The following RBFOX1 variants were observed in gnomAD, a reference collection of about 807,000 sequenced individuals.
RBFOX1 encodes the protein RNA binding protein fox-1 homolog 1.
RBFOX1 carries 8 observed loss-of-function variants against 57.7 expected under a neutral mutation model. The ratio of observed to expected loss-of-function variants is 0.14; its 90% confidence interval spans 0.08 to 0.25. The LOEUF is 0.25. Ranked by LOEUF, RBFOX1 falls within the 10% of genes least tolerant of loss-of-function variation. The pLI is 1.00. For synonymous variants in RBFOX1, 326 were observed against 222.4 expected (o/e 1.47, Z -4.15); for missense variants, 611 against 548.5 (o/e 1.11, Z -1.14).
chr16:5,463,749 A>T (rs1393580264), intron 1 of RBFOX1, among the ~76,000 whole-genome samples: 2 of 151,778 alleles, frequency 1.3e-5, no homozygotes, highest in Non-Finnish European at 2.9e-5. Context: ...GCAGTAAGTC[A>T]AGATTGCACC....
chr16:7,492,877 A>G (rs771401318), intron 4 of RBFOX1, among the ~76,000 whole-genome samples: 5 of 151,960 alleles, frequency 3.3e-5, no homozygotes, highest in Admixed American at 6.6e-5. Context: ...TGATGCTGGC[A>G]CCAACCATGA....
chr16:6,518,929 G>C (rs2096446009), intron 2 of RBFOX1, among the ~76,000 whole-genome samples: 1 of 152,002 alleles, frequency 6.6e-6, no homozygotes, highest in South Asian at 2.1e-4. Flanking sequence ...TCAGAGTTCA[G>C]CCACACACTT....
chr16:5,536,333 C>T (rs773056060), intron 2 of RBFOX1, among the ~76,000 whole-genome samples: 1 of 147,076 alleles, frequency 6.8e-6, no homozygotes, highest in African/African-American at 2.5e-5. Flanking sequence ...CTGCTGGGTT[C>T]AAGCGATTCT....
intron 3 of RBFOX1, among the ~76,000 whole-genome samples, chr16:6,718,423 A>G (rs1044883896): frequency 1.3e-5 from 2 of 152,232 alleles, no homozygotes; most frequent in African/African-American, 4.8e-5. Flanking sequence ...GGTGTAAGGA[A>G]GTCCACAAGG....
At chr16:6,523,463 C>T (rs777361227) in intron 2 of RBFOX1, among the ~76,000 whole-genome samples, 11 of 152,144 alleles carry the variant, frequency 7.2e-5, no homozygotes, top group Non-Finnish European at 1.5e-4. Flanking sequence ...CAGTGAAGAA[C>T]TCTGAAGGCA....
intron 3 of RBFOX1, among the ~76,000 whole-genome samples, chr16:5,656,806 G>C (rs1038953849): frequency 4.6e-5 from 7 of 152,070 alleles, no homozygotes; most frequent in Non-Finnish European, 1.0e-4. Flanking sequence ...TCATTGATGG[G>C]CGTTTGGGTT....
chr16:6,297,677 T>C (rs778874884), intron 1 of RBFOX1, among the ~76,000 whole-genome samples: 5 of 151,958 alleles, frequency 3.3e-5, no homozygotes, highest in African/African-American at 1.2e-4. Context: ...CACACCCCCC[T>C]ATCCTATACC....
chr16:7,159,002 TC>T (rs1007497606), intron 4 of RBFOX1, among the ~76,000 whole-genome samples: 10 of 151,356 alleles, frequency 6.6e-5, no homozygotes, highest in Non-Finnish European at 1.5e-4. Context: ...TCCCTCAGAT[TC>T]CCCCCATTTC....
chr16:5,772,839 G>A (rs1304653362), intron 3 of RBFOX1, among the ~76,000 whole-genome samples: 1 of 152,154 alleles, frequency 6.6e-6, no homozygotes, highest in East Asian at 1.9e-4. Context: ...GCAGGGCAAA[G>A]GGCTGTCAGT....
chr16:5,390,847 C>A (rs535146610), intron 1 of RBFOX1, among the ~76,000 whole-genome samples: 10 of 152,284 alleles, frequency 6.6e-5, no homozygotes, highest in African/African-American at 1.4e-4. Flanking sequence ...GAAGCTGTGG[C>A]AGCCATCTTG....
intron 3 of RBFOX1, among the ~76,000 whole-genome samples, chr16:6,923,895 T>C (rs9888762): frequency 6.6e-6 from 1 of 151,966 alleles, no homozygotes; most frequent in Non-Finnish European, 1.5e-5. Flanking sequence ...TGAAGGTCAG[T>C]TGTGGTGGCT....
chr16:6,138,389 C>T (rs917708764), intron 1 of RBFOX1, among the ~76,000 whole-genome samples: 5 of 152,194 alleles, frequency 3.3e-5, no homozygotes, highest in South Asian at 2.1e-4. Flanking sequence ...CTGAAGTCAA[C>T]GTGTCAGCCT....
At chr16:5,451,381 C>G (rs762903058) in intron 1 of RBFOX1, among the ~76,000 whole-genome samples, 1 of 152,144 alleles carries the variant, frequency 6.6e-6, no homozygotes, top group Non-Finnish European at 1.5e-5. Flanking sequence ...AACATCGATT[C>G]TCAGAACCTA....
rs541835195 is a variant in RBFOX1 at position 5,739,996 on chromosome 16, G to A, written c.319-127307G>A. ...GGAGCCCTGGGGAGGGATCAGTGTG[G>A]CCAGCAGTGGGAGGGGTCCATGCTG... On this transcript the variant is annotated intron_variant, in intron 3 of 19. Coordinates refer to the RBFOX1 transcript ENST00000641259. Among the ~76,000 whole-genome samples the A allele has an allele frequency of 1.4e-3, 207 of 152,350 alleles. 1 individual carries two copies. The highest frequency in any genetic ancestry group is 4.8e-3 in the African/African-American group (201 of 41,584).
At chr16:5,581,287 A>G (rs996514445) in intron 2 of RBFOX1, among the ~76,000 whole-genome samples, 1 of 152,172 alleles carries the variant, frequency 6.6e-6, no homozygotes, top group Admixed American at 6.5e-5. Flanking sequence ...CAAGGAATAG[A>G]CTTTGGGCGG....
At chr16:7,252,232 AT>A (rs1452877531) in intron 4 of RBFOX1, among the ~76,000 whole-genome samples, 1 of 152,180 alleles carries the variant, frequency 6.6e-6, no homozygotes, top group East Asian at 1.9e-4. Flanking sequence ...TTTCCCCCAT[AT>A]CTCCATTCAT....
intron 2 of RBFOX1, among the ~76,000 whole-genome samples, chr16:6,342,632 A>G (rs1048028314): frequency 6.6e-5 from 10 of 152,174 alleles, no homozygotes; most frequent in African/African-American, 2.2e-4. Context: ...TTAGGTATAC[A>G]TATCTGAGGT....
At position 7,646,247 on chromosome 16, in the gene RBFOX1, T is replaced by G. The variant is rs2063714252; in HGVS notation, c.758-7568T>G. Among the ~76,000 whole-genome samples, 2 of 152,346 alleles carry G rather than the reference T, an allele frequency of 1.3e-5. 1 individual carries two copies. Among genetic ancestry groups the G allele is most frequent in the South Asian group, 4.1e-4 (2 of 4,822 alleles). On this transcript the variant is annotated intron_variant, in intron 11 of 15. Transcript: ENST00000550418. ...TTGCACGATGCCCTGCCTCGGAAAT[T>G]GCTGCTCTATGAGCTATGGCTGGTG... is the stretch of plus-strand genomic sequence containing the variant.
intron 11 of RBFOX1, among the ~76,000 whole-genome samples, chr16:7,633,240 G>A (rs1256059934): frequency 6.6e-6 from 1 of 152,112 alleles, no homozygotes. Context: ...AATTTAAAGG[G>A]TCGATTTTAG....
Sources: allele counts gnomAD v4.1 joint callset (sites outside exome capture counted in the v4.1 genomes callset), GRCh38; gene constraint gnomAD v4.1.1; transcripts MANE v1.5; gene names NCBI Gene and HGNC (gene_info 2026-07-23, HGNC 2026-07-21).